The following ABCC4 variants were observed in gnomAD, a reference collection of about 807,000 sequenced individuals.
ABCC4 encodes ATP-binding cassette sub-family C member 4.
A neutral mutation model predicts 168.5 loss-of-function variants in ABCC4; 102 were observed. That is an observed-to-expected ratio of 0.61 (90% CI 0.52 to 0.71). ABCC4 has a LOEUF of 0.71. Among genes scored for constraint, ABCC4 ranks in the 30% least tolerant of loss-of-function variants. The probability of loss-of-function intolerance (pLI) is 0.00; values close to 1 mark genes in which losing one functional copy is unlikely to be tolerated. For missense variants in ABCC4, 1,402 were observed against 1,605.8 expected (o/e 0.87, Z 2.17); for synonymous variants, 617 against 590.7 (o/e 1.04, Z -0.65).
In ABCC4 at chr13:95,208,759, T is replaced by C. The variant is rs111797166; in HGVS notation, c.785+675A>G. Among the ~76,000 whole-genome samples, 742 of 152,102 alleles carry C rather than the reference T, an allele frequency of 4.9e-3. 13 individuals carry two copies. The highest frequency in any genetic ancestry group is 0.017 in the African/African-American group (708 of 41,474). ...CCTGAGCCTCCCAAGTAGCTGGGAT[T>C]ACAGGCGTGTACCACCATGCCCAGC... On this transcript the variant is annotated intron_variant, in intron 6 of 30. Coordinates refer to ENST00000645237, the MANE Select transcript of ABCC4 (RefSeq NM_005845.5).
chr13:95,019,981 T>C lies in ABCC4; in HGVS notation c.*1594A>G, dbSNP rs1352587764. On this transcript the variant is annotated 3_prime_UTR_variant, in exon 31 of 31. Transcript: ENST00000645237. ...CATATAGACATTTTGAATATAGCTA[T>C]CGTTTTAACAAACCTCATTATGATC... 1 of 152,260 alleles carries C rather than the reference T, an allele frequency of 6.6e-6. No individual in the cohort carries two copies. Among genetic ancestry groups the C allele is most frequent in the African/African-American group, 2.4e-5 (1 of 41,468 alleles). The allele number at this position is 152,260 out of a possible 1,614,324, so 9.4% of individuals were successfully genotyped here.
At chr13:95,104,017 C>T (rs1238969457) in intron 20 of ABCC4, among the ~76,000 whole-genome samples, 2 of 152,178 alleles carry the variant, frequency 1.3e-5, no homozygotes, top group Non-Finnish European at 2.9e-5. Context: ...CAGACAAAGC[C>T]CTTTGCTGCT....
chr13:95,135,001 C>G (rs1298637417), intron 19 of ABCC4, among the ~76,000 whole-genome samples: 1 of 152,142 alleles, frequency 6.6e-6, no homozygotes, highest in Admixed American at 6.5e-5. Context: ...CCATGGAAGA[C>G]AGCAAGTGAC....
Position 95,019,916 on chromosome 13 carries a change from C to T in ABCC4, c.*1659G>A, listed in dbSNP as rs913051689. Reference sequence around the variant, plus strand: ...TGATAACATTAAAACAGAAACAGGACGTTTATATGACTGTCTTTAACCTCA... The same window carrying T: ...TGATAACATTAAAACAGAAACAGGATGTTTATATGACTGTCTTTAACCTCA... On this transcript the variant is annotated 3_prime_UTR_variant, in exon 31 of 31. Coordinates refer to ENST00000645237, the MANE Select transcript of ABCC4 (RefSeq NM_005845.5). The T allele has an allele frequency of 2.6e-5, 4 of 152,128 alleles. No individual in the cohort carries two copies. The highest frequency in any genetic ancestry group is 7.2e-5 in the African/African-American group (3 of 41,428). 9.4% of individuals were successfully genotyped at this position (152,128 alleles called of 1,614,324 possible).
chr13:95,258,164 C>G (rs1439218383), intron 1 of ABCC4, among the ~76,000 whole-genome samples: 2 of 152,152 alleles, frequency 1.3e-5, no homozygotes, highest in African/African-American at 4.8e-5. Context: ...GCTGGCCTAC[C>G]CACCTTCACC....
At chr13:95,214,955 G>T (rs941629110) in intron 4 of ABCC4, among the ~76,000 whole-genome samples, 24 of 150,402 alleles carry the variant, frequency 1.6e-4, no homozygotes, top group African/African-American at 5.4e-4. Context: ...TTTAAAATAT[G>T]AGGGTGAAAT....
chr13:95,043,267 G>A (rs895776813), intron 29 of ABCC4: 1 of 158,342 alleles, frequency 6.3e-6, no homozygotes, highest in East Asian at 1.8e-4. Flanking sequence ...CAGCATAGAA[G>A]TTCTGCAACC....
chr13:95,106,352 C>T (rs942052524), intron 20 of ABCC4, among the ~76,000 whole-genome samples: 8 of 148,032 alleles, frequency 5.4e-5, no homozygotes, highest in African/African-American at 7.9e-5. Flanking sequence ...TATATATGTG[C>T]GCGTATATAT....
chr13:95,300,130 C>T (rs931695612), intron 1 of ABCC4, among the ~76,000 whole-genome samples: 1 of 152,168 alleles, frequency 6.6e-6, no homozygotes, highest in African/African-American at 2.4e-5. Context: ...TGAGCCACCG[C>T]GCCAGGCCAA....
At chr13:95,256,942 G>A (rs868243932) in intron 1 of ABCC4, among the ~76,000 whole-genome samples, 2 of 152,140 alleles carry the variant, frequency 1.3e-5, no homozygotes, top group Non-Finnish European at 1.5e-5. Context: ...AACAAAGCGA[G>A]CATCTGAAGC....
intron 23 of ABCC4, among the ~76,000 whole-genome samples, chr13:95,073,689 T>G (rs2033806471): frequency 6.6e-6 from 1 of 152,336 alleles, no homozygotes; most frequent in South Asian, 2.1e-4. Flanking sequence ...AGGTTGTAAG[T>G]GCCAATGCTT....
chr13:95,269,764 G>A (rs1404124839), intron 1 of ABCC4, among the ~76,000 whole-genome samples: 1 of 152,068 alleles, frequency 6.6e-6, no homozygotes, highest in Admixed American at 6.6e-5. Context: ...ATATATAATC[G>A]TATACTGACC....
At chr13:95,063,858 G>A (rs2033393955) in intron 25 of ABCC4, among the ~76,000 whole-genome samples, 1 of 152,216 alleles carries the variant, frequency 6.6e-6, no homozygotes, top group Non-Finnish European at 1.5e-5. Context: ...TTGCACAACT[G>A]CAAATTTCCT....
At chr13:95,170,660 T>C (rs769577851) in intron 13 of ABCC4, 32 bp from the exon 14 acceptor site, 20 of 1,350,470 alleles carry the variant, frequency 1.5e-5, no homozygotes, top group Admixed American at 5.4e-5. Flanking sequence ...GGTGAAAAAA[T>C]GCATGAATGG....
At chr13:95,094,596 A>C (rs1382027756) in intron 20 of ABCC4, among the ~76,000 whole-genome samples, 1 of 152,174 alleles carries the variant, frequency 6.6e-6, no homozygotes, top group Non-Finnish European at 1.5e-5. Flanking sequence ...AAACCCTTCT[A>C]GACATTGGTT....
intron 25 of ABCC4, among the ~76,000 whole-genome samples, chr13:95,070,423 G>A (rs867306204): frequency 5.3e-5 from 8 of 152,050 alleles, no homozygotes; most frequent in East Asian, 1.9e-4. Flanking sequence ...GGGTGGGAAG[G>A]GGAAGAGATT....
Position 95,219,766 on chromosome 13 carries a change from G to A in ABCC4, c.532-8985C>T, listed in dbSNP as rs918937181. Among the ~76,000 whole-genome samples the A allele has an allele frequency of 7.2e-5, 11 of 152,220 alleles. No individual in the cohort carries two copies. The East Asian group carries it at 7.7e-4, about 11-fold the overall frequency. The stretch of plus-strand genomic sequence containing the variant: ...ACTCCTAGGCTCAAGCAATGCTCCC[G>A]CCTTGGCTTCTCAAAGTTCTAGGAT... On this transcript the variant is annotated intron_variant, in intron 4 of 30. Transcript: ENST00000645237.
At chr13:95,115,273 G>GT (rs4148522) in intron 20 of ABCC4, among the ~76,000 whole-genome samples, 117,848 of 146,022 alleles carry the variant, frequency 0.81, 47,474 homozygotes, top group South Asian at 0.91. Flanking sequence ...AGGATTGTTG[G>GT]TTTTTTTTTT....
chr13:95,199,951 C>T (rs985270812), intron 8 of ABCC4, among the ~76,000 whole-genome samples: 2 of 152,200 alleles, frequency 1.3e-5, no homozygotes, highest in Non-Finnish European at 2.9e-5. Flanking sequence ...CTTGAGCCTT[C>T]GCAGGAAGCA....
Sources: allele counts gnomAD v4.1 joint callset (sites outside exome capture counted in the v4.1 genomes callset), GRCh38; gene constraint gnomAD v4.1.1; transcripts MANE v1.5; gene names NCBI Gene and HGNC (gene_info 2026-07-23, HGNC 2026-07-21).